Variants in METAP1 observed in about 807,000 individuals in gnomAD.
The protein encoded by METAP1 is methionine aminopeptidase 1.
METAP1 carries 28 observed loss-of-function variants against 53.8 expected under a neutral mutation model. The ratio of observed to expected loss-of-function variants is 0.52; its 90% CI spans 0.39 to 0.71. The LOEUF (loss-of-function observed/expected upper bound fraction) is 0.71, where lower values mean the gene tolerates loss of function less well. METAP1 is among the 30% of genes least tolerant of loss of function. The pLI, the probability that METAP1 is intolerant of heterozygous loss-of-function variation, is 0.00. For missense variants in METAP1, 389 were observed against 479.8 expected, an observed-to-expected ratio of 0.81 and a Z score of 1.77; for synonymous variants, 181 against 165.7, an observed-to-expected ratio of 1.09 and a Z score of -0.71.
intron 9 of METAP1, among the ~76,000 whole-genome samples, chr4:99,055,021 A>G (rs1042012114): frequency 2.0e-5 from 3 of 152,194 alleles, no homozygotes; most frequent in African/African-American, 7.2e-5. Context: ...TGAAGTGAAC[A>G]TGCACTGTTG....
intron 9 of METAP1, among the ~76,000 whole-genome samples, chr4:99,056,387 A>T (rs564070813): frequency 3.5e-4 from 54 of 152,250 alleles, no homozygotes; most frequent in African/African-American, 1.2e-3. Flanking sequence ...AGGTCTGGTC[A>T]CTGTAATTTA....
intron 1 of METAP1, among the ~76,000 whole-genome samples, chr4:99,006,110 G>A (rs1723166129): frequency 6.6e-6 from 1 of 152,160 alleles, no homozygotes; most frequent in Non-Finnish European, 1.5e-5. Context: ...ATTTTTGCCA[G>A]TCTGGAGTTG....
chr4:99,006,468 G>C (rs761523355), intron 1 of METAP1, among the ~76,000 whole-genome samples: 4 of 151,990 alleles, frequency 2.6e-5, no homozygotes, highest in Non-Finnish European at 5.9e-5. Context: ...ATGTGTATTG[G>C]GTGTGTGTGT....
At chr4:99,028,320 G>A (rs544529171) in intron 1 of METAP1, among the ~76,000 whole-genome samples, 1 of 152,168 alleles carries the variant, frequency 6.6e-6, no homozygotes, top group South Asian at 2.1e-4. Flanking sequence ...TGATCATTCA[G>A]TCAAGCATTC....
At chr4:99,022,742 C>T (rs1724220881) in intron 1 of METAP1, 1 of 1,595,204 alleles carries the variant, frequency 6.3e-7, no homozygotes, top group South Asian at 1.1e-5. Flanking sequence ...CCTGTGGGTA[C>T]CCATAGGCGT....
rs1560747055 is a variant in METAP1 at position 99,062,440 on chromosome 4, G to A, written c.*1123G>A. 1.3e-5 allele frequency: 2 copies of A among 152,562 alleles called. No homozygotes were observed. The highest frequency in any genetic ancestry group is 2.4e-5 in the African/African-American group (1 of 41,408). The allele number at this position is 152,562 out of a possible 1,614,324, so 9.5% of individuals were successfully genotyped here. On this transcript the variant is annotated 3_prime_UTR_variant, in exon 11 of 11. Transcript: ENST00000296411. The stretch of plus-strand genomic sequence containing the variant: ...ATGACCTCAGCTGCCCCATATCTAC[G>A]TTCCTTTCAGCAGTTGTCCAAGTAG...
At chr4:99,021,215 CCA>C (rs1009838696) in intron 1 of METAP1, among the ~76,000 whole-genome samples, 2 of 152,190 alleles carry the variant, frequency 1.3e-5, no homozygotes, top group African/African-American at 2.4e-5. Flanking sequence ...TTTCTCTCAA[CCA>C]CAGTCATTCA....
intron 1 of METAP1, chr4:99,023,061 A>G (rs1206359679): frequency 1.5e-6 from 2 of 1,348,918 alleles, no homozygotes; most frequent in African/African-American, 1.5e-5. Flanking sequence ...CCTCCTCCAC[A>G]TCTAGTGTCT....
chr4:99,006,440 TTATTTATGTGTGCTTG>T (rs1723182526), intron 1 of METAP1, among the ~76,000 whole-genome samples: 3 of 152,198 alleles, frequency 2.0e-5, no homozygotes, highest in Non-Finnish European at 4.4e-5. Flanking sequence ...TGTATTTGTT[TTATTTATGTGTGCTTG>T]TATGTGTATT....
At chr4:98,995,953 G>A (rs1722596474) in intron 1 of METAP1, 86 bp downstream of exon 1, 2 of 1,068,284 alleles carry the variant, frequency 1.9e-6, no homozygotes, top group Non-Finnish European at 2.8e-6. Context: ...CCCTTGCGGC[G>A]AGTCGGGACG....
chr4:99,031,620 TAAAG>T, intron 2 of METAP1: 6 of 1,259,112 alleles, frequency 4.8e-6, no homozygotes, highest in Admixed American at 4.6e-5. Context: ...GAGGATTAAA[TAAAG>T]AAATCCATGA....
At chr4:99,021,198 C>T (rs940476671) in intron 1 of METAP1, among the ~76,000 whole-genome samples, 1 of 152,220 alleles carries the variant, frequency 6.6e-6, no homozygotes, top group East Asian at 1.9e-4. Flanking sequence ...ATTCCTCTTA[C>T]AGTCACTTTC....
chr4:99,043,317 C>G lies in METAP1; in HGVS notation c.585C>G (p.Thr195=). 1 of 1,606,774 alleles carries G rather than the reference C, an allele frequency of 6.2e-7. No individual in the cohort carries two copies. Among genetic ancestry groups the G allele is most frequent in the Non-Finnish European group, 8.5e-7 (1 of 1,175,954 alleles). Residue 195 remains threonine (T), a synonymous_variant, in exon 7 of 11, where the codon ACC becomes ACG. Transcript: ENST00000296411. ...ATAATTTCCCAAAGTCTTGTTGTAC[C>G]TCAGTGAATGAAGTCATTTGCCATG... The part of the protein sequence containing the change: ...NYYNFPKSCC[T]SVNEVICHGI...
At chr4:99,006,308 T>C (rs1456990281) in intron 1 of METAP1, among the ~76,000 whole-genome samples, 1 of 152,204 alleles carries the variant, frequency 6.6e-6, no homozygotes, top group Non-Finnish European at 1.5e-5. Context: ...TTTCCTTGAA[T>C]TTTTTATAAT....
At chr4:98,997,274 G>A (rs1465902534) in intron 1 of METAP1, 1 of 152,684 alleles carries the variant, frequency 6.5e-6, no homozygotes, top group Non-Finnish European at 1.5e-5. Context: ...GGTCTTAGCT[G>A]TGTTATACAG....
rs1189663861 is a variant in METAP1, at chr4:99,004,446, TACACACACACAC to T, written c.114+8605_114+8616del. The stretch of plus-strand genomic sequence containing the variant: ...TATTAGCCAAGGAACTGTGGACAGA[TACACACACACAC>T]ACACACACACACACACACACACACA... On this transcript the variant is annotated intron_variant, in intron 1 of 10. Coordinates refer to ENST00000296411, the MANE Select transcript of METAP1 (RefSeq NM_015143.3). Among the ~76,000 whole-genome samples, 151 of 80,072 alleles carry T rather than the reference TACACACACACAC, an allele frequency of 1.9e-3. 1 individual carries two copies. Among genetic ancestry groups the T allele is most frequent in the East Asian group, 7.8e-3 (37 of 4,742 alleles). 52.5% of individuals were successfully genotyped at this position (80,072 alleles called of 152,430 possible).
At chr4:99,017,213 GC>G (rs1319025764) in intron 1 of METAP1, among the ~76,000 whole-genome samples, 2 of 152,300 alleles carry the variant, frequency 1.3e-5, no homozygotes, top group East Asian at 3.9e-4. Flanking sequence ...TCATGAGCAA[GC>G]TTTTGGCCTT....
At chr4:99,057,414 T>C (rs1727233294) in intron 9 of METAP1, among the ~76,000 whole-genome samples, 1 of 152,244 alleles carries the variant, frequency 6.6e-6, no homozygotes, top group South Asian at 2.1e-4. Flanking sequence ...ATTGCAATTC[T>C]AATCATGAGG....
At chr4:99,053,626 C>A (rs1306531001) in intron 9 of METAP1, among the ~76,000 whole-genome samples, 6 of 152,158 alleles carry the variant, frequency 3.9e-5, no homozygotes, top group Non-Finnish European at 8.8e-5. Context: ...TGTCCAGATT[C>A]ATCAGAGGAA....
Sources: allele counts gnomAD v4.1 joint callset (sites outside exome capture counted in the v4.1 genomes callset), GRCh38; gene constraint gnomAD v4.1.1; transcripts MANE v1.5; gene names NCBI Gene and HGNC (gene_info 2026-07-23, HGNC 2026-07-21).